Variants in CNTN1 observed in about 807,000 individuals in gnomAD.
CNTN1 encodes the protein contactin 1.
A neutral mutation model predicts 126.4 loss-of-function variants in CNTN1; 38 were observed. That is an observed-to-expected ratio of 0.30 (90% CI 0.23 to 0.39). The LOEUF is 0.39. Ranked by LOEUF, CNTN1 falls within the 10% of genes least tolerant of loss-of-function variation. The pLI, the probability that CNTN1 is intolerant of heterozygous loss-of-function variation, is 1.00. For missense variants in CNTN1, 1,009 were observed against 1,248.4 expected, an observed-to-expected ratio of 0.81 and a Z score of 2.89; for synonymous variants, 413 against 422.6, an observed-to-expected ratio of 0.98 and a Z score of 0.28.
chr12:40,875,795 T>TG (rs1230675546), intron 1 of CNTN1, among the ~76,000 whole-genome samples: 1 of 152,120 alleles, frequency 6.6e-6, no homozygotes, highest in Non-Finnish European at 1.5e-5. Flanking sequence ...CAGGTTTTTT[T>TG]GGCTATTAAA....
intron 23 of CNTN1, among the ~76,000 whole-genome samples, chr12:41,068,916 A>C (rs1950105652): frequency 6.6e-6 from 1 of 152,202 alleles, no homozygotes; most frequent in African/African-American, 2.4e-5. Context: ...ACATGGGCCC[A>C]GGAGTTTGAG....
chr12:41,026,129 A>T (rs1467812489), intron 21 of CNTN1, among the ~76,000 whole-genome samples: 2 of 152,196 alleles, frequency 1.3e-5, no homozygotes, highest in African/African-American at 4.8e-5. Flanking sequence ...TAAATTACCT[A>T]TTTAAACCTC....
At chr12:41,069,643 T>G (rs1950123245) in intron 23 of CNTN1, among the ~76,000 whole-genome samples, 1 of 151,754 alleles carries the variant, frequency 6.6e-6, no homozygotes, top group South Asian at 2.1e-4. Flanking sequence ...AATGCATGTA[T>G]ATATGTTTCT....
chr12:40,994,216 T>A (rs1948159627), intron 17 of CNTN1, among the ~76,000 whole-genome samples: 1 of 152,086 alleles, frequency 6.6e-6, no homozygotes, highest in Non-Finnish European at 1.5e-5. Context: ...GAGGCCTACA[T>A]CTATTATCAG....
At chr12:40,762,972 C>T (rs1310195722) in intron 1 of CNTN1, 1 of 152,184 alleles carries the variant, frequency 6.6e-6, no homozygotes, top group East Asian at 1.9e-4. Context: ...GGGCAGGAGC[C>T]CTCATGAATA....
intron 17 of CNTN1, among the ~76,000 whole-genome samples, chr12:41,002,176 T>A (rs1262848030): frequency 6.6e-6 from 1 of 152,194 alleles, no homozygotes; most frequent in Non-Finnish European, 1.5e-5. Context: ...CTGTGAAGAA[T>A]CTCAATGGTA....
At chr12:40,813,028 C>T (rs11178510) in intron 1 of CNTN1, among the ~76,000 whole-genome samples, 1,799 of 33,786 alleles carry the variant, frequency 0.053, 97 homozygotes, top group African/African-American at 0.11. Context: ...TTCTTTCTTT[C>T]TCTTTCTTTC....
intron 1 of CNTN1, among the ~76,000 whole-genome samples, chr12:40,774,693 T>G (rs977545586): frequency 6.6e-5 from 10 of 151,720 alleles, no homozygotes; most frequent in Non-Finnish European, 1.3e-4. Context: ...TCTCAATATA[T>G]AATTTAGCTA....
chr12:40,784,036 G>T (rs1160017447), intron 1 of CNTN1, among the ~76,000 whole-genome samples: 1 of 152,056 alleles, frequency 6.6e-6, no homozygotes, highest in Non-Finnish European at 1.5e-5. Flanking sequence ...AAAAATGTCA[G>T]CTATGTAAAC....
At chr12:40,862,155 G>GTACA (rs536935400) in intron 1 of CNTN1, among the ~76,000 whole-genome samples, 2 of 151,694 alleles carry the variant, frequency 1.3e-5, no homozygotes, top group South Asian at 4.2e-4. Flanking sequence ...AGTGACCTAT[G>GTACA]ATTGTACCAC....
chr12:41,029,269 A>G, intron 23 of CNTN1, 50 bp downstream of exon 23: 1 of 1,604,784 alleles, frequency 6.2e-7, no homozygotes, highest in Non-Finnish European at 8.5e-7. Context: ...GTGAGTTTCT[A>G]GACCCTGTGG....
chr12:41,050,560 G>C (rs1360837708), intron 23 of CNTN1, among the ~76,000 whole-genome samples: 1 of 152,094 alleles, frequency 6.6e-6, no homozygotes, highest in Non-Finnish European at 1.5e-5. Flanking sequence ...CTTCCACCAG[G>C]TCCCTCCCCC....
chr12:40,930,868 A>T (rs904268339), intron 7 of CNTN1, among the ~76,000 whole-genome samples: 14 of 151,816 alleles, frequency 9.2e-5, no homozygotes, highest in Non-Finnish European at 2.1e-4. Context: ...TTTCTGGCTC[A>T]TTTTTCTTTT....
chr12:40,988,525 C>T (rs749881029), intron 16 of CNTN1, among the ~76,000 whole-genome samples: 1 of 152,074 alleles, frequency 6.6e-6, no homozygotes, highest in African/African-American at 2.4e-5. Context: ...CAGGGTACCA[C>T]GAGCATGATT....
intron 23 of CNTN1, among the ~76,000 whole-genome samples, chr12:41,063,825 A>G (rs1949992676): frequency 6.6e-6 from 1 of 152,218 alleles, no homozygotes; most frequent in Non-Finnish European, 1.5e-5. Flanking sequence ...TTTGTTCTTA[A>G]GAATACGTGA....
At chr12:40,948,258 CT>C (rs58087551) in intron 14 of CNTN1, among the ~76,000 whole-genome samples, 141 of 62,700 alleles carry the variant, frequency 2.2e-3, no homozygotes, top group Middle Eastern at 0.033. Context: ...TTCTTTCTTT[CT>C]TTTTTTTTTT....
chr12:40,717,442 A>G (rs546810549), intron 1 of CNTN1, among the ~76,000 whole-genome samples: 2 of 152,334 alleles, frequency 1.3e-5, no homozygotes, highest in Admixed American at 1.3e-4. Context: ...TATTCTTGAT[A>G]TGCATTGGAT....
intron 14 of CNTN1, among the ~76,000 whole-genome samples, chr12:40,957,646 GA>G (rs934871868): frequency 2.1e-5 from 3 of 141,886 alleles, no homozygotes; most frequent in Non-Finnish European, 3.1e-5. Flanking sequence ...AGGACAGAAG[GA>G]AAAAAACTCC....
intron 1 of CNTN1, among the ~76,000 whole-genome samples, chr12:40,857,581 TC>T (rs1942957035): frequency 6.6e-6 from 1 of 152,110 alleles, no homozygotes. Flanking sequence ...ATGGTGCTGC[TC>T]CAGTAGAGAA....
Sources: allele counts gnomAD v4.1 joint callset (sites outside exome capture counted in the v4.1 genomes callset), GRCh38; gene constraint gnomAD v4.1.1; transcripts MANE v1.5; gene names NCBI Gene and HGNC (gene_info 2026-07-23, HGNC 2026-07-21).